The following KLB variants were observed in gnomAD, a reference collection of about 807,000 sequenced individuals.
KLB encodes beta-klotho.
KLB carries 44 observed loss-of-function variants against 88.4 expected under a neutral mutation model. That is an observed-to-expected ratio of 0.50 (90% CI 0.39 to 0.64). KLB has a LOEUF of 0.64. KLB is among the 30% of genes least tolerant of loss of function. The pLI, the probability that KLB is intolerant of heterozygous loss-of-function variation, is 0.00. For synonymous variants in KLB, 548 were observed against 513.4 expected (o/e 1.07, Z -0.91); for missense variants, 1,137 against 1,304.8 (o/e 0.87, Z 1.98).
At position 39,434,197 on chromosome 4, in the gene KLB, T is replaced by A; in HGVS notation, c.826-13T>A. On this transcript the variant is annotated splice_polypyrimidine_tract_variant and intron_variant, in intron 1 of 4. Coordinates refer to ENST00000257408, the MANE Select transcript of KLB (RefSeq NM_175737.4). ...TGAGGACAACAAAGATCAATAATAT[T>A]TTCTTCTTTTAGGCTCACTCGAAAG... The A allele has an allele frequency of 6.3e-7, 1 of 1,586,068 alleles. No homozygotes were observed. The highest frequency in any genetic ancestry group is 1.7e-4 in the Middle Eastern group (1 of 5,882).
chr4:39,407,056 A>C lies in KLB; in HGVS notation c.107A>C (p.Gln36Pro). ...AATACAATGTCCAACGGGGGATTGC[A>C]AAGATCTGTCATCCTGTCAGCACTT... Reference protein sequence around the residue: ...YRNTMSNGGLQRSVILSALIL... With the variant: ...YRNTMSNGGLPRSVILSALIL... Residue 36 changes from glutamine to proline, a missense_variant, in exon 1 of 5, where the codon CAA (glutamine) becomes CCA (proline). Gln to Pro is a moderately conservative substitution (Grantham distance 76, BLOSUM62 -1). Around this residue, in one of 4 missense-constraint regions of KLB, gnomAD observed 111 missense variants for 118.3 expected, o/e 0.94. Transcript: ENST00000257408. 6.2e-7 allele frequency: 1 copy of C among 1,614,114 alleles called. No individual in the cohort carries two copies. The highest frequency in any genetic ancestry group is 8.5e-7 in the Non-Finnish European group (1 of 1,179,946).
chr4:39,427,982 T>C (rs1296378936), intron 1 of KLB, among the ~76,000 whole-genome samples: 6 of 152,176 alleles, frequency 3.9e-5, no homozygotes, highest in Non-Finnish European at 8.8e-5. Context: ...TCCCGTATAG[T>C]ACCAGGTAGA....
chr4:39,420,622 T>C (rs13130794), intron 1 of KLB, among the ~76,000 whole-genome samples: 51,427 of 151,818 alleles, frequency 0.34, 10,049 homozygotes, highest in South Asian at 0.57. Context: ...CTTCCTGGGC[T>C]CAAGTGATCC....
At chr4:39,436,783 C>T (rs776325948) in intron 2 of KLB, among the ~76,000 whole-genome samples, 1 of 151,922 alleles carries the variant, frequency 6.6e-6, no homozygotes, top group Non-Finnish European at 1.5e-5. Context: ...AATCTTGGCT[C>T]ACTGCAATCT....
At chr4:39,445,984 C>CAGGGTTT (rs11283308) in intron 3 of KLB, among the ~76,000 whole-genome samples, 43,684 of 151,586 alleles carry the variant, frequency 0.29, 6,895 homozygotes, top group South Asian at 0.44. Flanking sequence ...CAATTTATGG[C>CAGGGTTT]AGGGTTTAGA....
At chr4:39,419,222 AAG>A (rs1271847639) in intron 1 of KLB, among the ~76,000 whole-genome samples, 2 of 152,196 alleles carry the variant, frequency 1.3e-5, no homozygotes, top group Non-Finnish European at 2.9e-5. Context: ...AATGATTAAC[AAG>A]AGTTTAAATA....
intron 3 of KLB, among the ~76,000 whole-genome samples, chr4:39,441,317 T>C (rs1324130355): frequency 6.6e-6 from 1 of 152,200 alleles, no homozygotes; most frequent in Non-Finnish European, 1.5e-5. Flanking sequence ...AGTTCAATAC[T>C]ATTCATATTC....
At chr4:39,431,346 G>A (rs3107672) in intron 1 of KLB, among the ~76,000 whole-genome samples, 92,454 of 151,992 alleles carry the variant, frequency 0.61, 29,729 homozygotes, top group Admixed American at 0.72. Flanking sequence ...CCGCCTCCTG[G>A]GTTCAAGCGA....
At chr4:39,448,082 T>C (rs1288040250) in intron 4 of KLB, among the ~76,000 whole-genome samples, 3 of 152,182 alleles carry the variant, frequency 2.0e-5, no homozygotes, top group African/African-American at 7.2e-5. Context: ...TATTTATGGA[T>C]CAAGTTTCAC....
intron 1 of KLB, among the ~76,000 whole-genome samples, chr4:39,433,773 T>C (rs1284297489): frequency 3.3e-5 from 5 of 152,006 alleles, no homozygotes; most frequent in African/African-American, 4.8e-5. Flanking sequence ...GACAGGAGAA[T>C]TGCTTGAACC....
chr4:39,425,695 G>A (rs1020062903), intron 1 of KLB, among the ~76,000 whole-genome samples: 2 of 152,092 alleles, frequency 1.3e-5, no homozygotes, highest in Admixed American at 6.6e-5. Context: ...ATCCTCCTTG[G>A]CCTCCCAAAG....
At position 39,447,242 on chromosome 4, in the gene KLB, G is replaced by A; in HGVS notation, c.2516G>A (p.Ser839Asn). 1 of 1,614,134 alleles carries A rather than the reference G, an allele frequency of 6.2e-7. No individual in the cohort carries two copies. The highest frequency in any genetic ancestry group is 8.5e-7 in the Non-Finnish European group (1 of 1,180,040). ...GTGATGCACGAGCAGCTGGCCGGCA[G>A]CCGCTACGACTCGGACAGGGACATC... ...RFVMHEQLAG[S>N]RYDSDRDIQF... Residue 839 changes from serine (S) to asparagine (N), a missense_variant, in exon 4 of 5, where the codon AGC becomes AAC. By Grantham distance (46) the Ser-to-Asn change is conservative. Around this residue, in one of 4 missense-constraint regions of KLB, gnomAD observed 426 missense variants for 404.6 expected, o/e 1.05. Transcript: ENST00000257408.
At chr4:39,428,533 T>C (rs970744390) in intron 1 of KLB, among the ~76,000 whole-genome samples, 4 of 151,856 alleles carry the variant, frequency 2.6e-5, no homozygotes, top group African/African-American at 9.7e-5. Context: ...CAAAGTTAGC[T>C]ATTGAAACAT....
rs1743825658 is a variant in KLB at position 39,448,933 on chromosome 4, A to G, written c.*247A>G. On this transcript the variant is annotated 3_prime_UTR_variant, in exon 5 of 5. Coordinates refer to ENST00000257408, the MANE Select transcript of KLB (RefSeq NM_175737.4). ...GTAAGCTATGAGGATTACATGCTACATTGCTTCTTAAAGTTTCATCAACTG... is the reference window on the plus strand; with the variant it reads ...GTAAGCTATGAGGATTACATGCTACGTTGCTTCTTAAAGTTTCATCAACTG... 1 of 415,380 alleles carries G rather than the reference A, an allele frequency of 2.4e-6. No individual in the cohort carries two copies. Among genetic ancestry groups the G allele is most frequent in the Non-Finnish European group, 4.3e-6 (1 of 233,448 alleles). The allele number at this position is 415,380 out of a possible 1,614,324, so 25.7% of individuals were successfully genotyped here. A position where few individuals can be genotyped will look rare whatever the true frequency, so the allele number is the denominator to read the frequency against.
rs1056509287 is a variant in KLB at position 39,451,461 on chromosome 4, G to A, written c.*2775G>A. The A allele has an allele frequency of 6.6e-6, 1 of 152,200 alleles. No individual in the cohort carries two copies. Among genetic ancestry groups the A allele is most frequent in the Non-Finnish European group, 1.5e-5 (1 of 68,032 alleles). The allele number at this position is 152,200 out of a possible 1,614,324, so 9.4% of individuals were successfully genotyped here. On this transcript the variant is annotated 3_prime_UTR_variant, in exon 5 of 5. Transcript: ENST00000257408. Reference sequence around the variant, plus strand: ...CTGGAAAATGAGGCCAGTACAGTGTGACTACATGTTTAATTTTCAATGTAA... The same window carrying A: ...CTGGAAAATGAGGCCAGTACAGTGTAACTACATGTTTAATTTTCAATGTAA...
chr4:39,449,939 TAATAAAAATAAA>T lies in KLB; in HGVS notation c.*1261_*1272del, dbSNP rs3068651. 1 of 151,166 alleles carries T rather than the reference TAATAAAAATAAA, an allele frequency of 6.6e-6. No homozygotes were observed. The highest frequency in any genetic ancestry group is 1.5e-5 in the Non-Finnish European group (1 of 67,864). The allele number at this position is 151,166 out of a possible 1,614,324, so 9.4% of individuals were successfully genotyped here. ...GACTGTCTCTCAAAATAAAAAAAAA[TAATAAAAATAAA>T]AATAAAAGTAATTTCCAAAACCTCA... On this transcript the variant is annotated 3_prime_UTR_variant, in exon 5 of 5. Transcript: ENST00000257408.
chr4:39,447,125 G>T lies in KLB; in HGVS notation c.2399G>T (p.Ser800Ile). The T allele has an allele frequency of 6.2e-7, 1 of 1,613,546 alleles. No individual in the cohort carries two copies. The highest frequency in any genetic ancestry group is 8.5e-7 in the Non-Finnish European group (1 of 1,180,006). Residue 800 changes from serine to isoleucine, a missense_variant, in exon 4 of 5, where the codon AGC becomes ATC. Physicochemically the swap from Ser to Ile is moderately radical, Grantham distance 142 (BLOSUM62 -2). This residue lies in a region of KLB where 426 missense variants were observed against 404.6 expected (regional missense o/e 1.05). Transcript: ENST00000257408. Reference sequence around the variant, plus strand: ...TCCAAGCACCGACGGGGGCTTTCCAGCTCGGCCCTGCCGCGCCTCACCGAG... The same window carrying T: ...TCCAAGCACCGACGGGGGCTTTCCATCTCGGCCCTGCCGCGCCTCACCGAG... ...IASKHRRGLS[S>I]SALPRLTEAE...
chr4:39,431,027 C>T (rs914076834), intron 1 of KLB, among the ~76,000 whole-genome samples: 25 of 151,780 alleles, frequency 1.6e-4, no homozygotes, highest in African/African-American at 5.8e-4. Flanking sequence ...AATGATCTTC[C>T]AACCTCAGCT....
chr4:39,439,650 C>A (rs558794382), intron 3 of KLB, among the ~76,000 whole-genome samples: 2 of 149,748 alleles, frequency 1.3e-5, no homozygotes, highest in Non-Finnish European at 3.0e-5. Context: ...CGCCACCATG[C>A]CTGGCAAATT....
Sources: allele counts gnomAD v4.1 joint callset (sites outside exome capture counted in the v4.1 genomes callset), GRCh38; gene constraint gnomAD v4.1.1; regional missense constraint gnomAD v4.1.1; transcripts MANE v1.5; gene names NCBI Gene and HGNC (gene_info 2026-07-23, HGNC 2026-07-21).